Variants in NIPBL observed in about 807,000 individuals in gnomAD.
The protein encoded by NIPBL is nipped-B-like protein.
NIPBL carries 19 observed loss-of-function variants against 321.8 expected under a neutral mutation model. That is an observed-to-expected ratio of 0.06 (90% CI 0.04 to 0.09). The LOEUF is 0.09. Ranked by LOEUF, NIPBL falls within the 10% of genes least tolerant of loss-of-function variation. NIPBL has a pLI of 1.00. For synonymous variants in NIPBL, 1,106 were observed against 1,114.1 expected (o/e 0.99, Z 0.14); for missense variants, 2,210 against 3,327.0 (o/e 0.66, Z 8.26).
At chr5:36,924,564 ATAGGTG>A in intron 1 of NIPBL, among the ~76,000 whole-genome samples, 1 of 152,196 alleles carries the variant, frequency 6.6e-6, no homozygotes, top group Non-Finnish European at 1.5e-5. Context: ...TGTCTTGTGT[ATAGGTG>A]TATCCACAAT....
At chr5:36,905,983 A>G (rs1310775195) in intron 1 of NIPBL, among the ~76,000 whole-genome samples, 1 of 152,082 alleles carries the variant, frequency 6.6e-6, no homozygotes. Flanking sequence ...TGACCTCGTG[A>G]TCCGCCCACC....
At chr5:36,969,151 G>T (rs932528817) in intron 6 of NIPBL, among the ~76,000 whole-genome samples, 2 of 152,096 alleles carry the variant, frequency 1.3e-5, no homozygotes, top group Admixed American at 6.6e-5. Flanking sequence ...TTTTGAAAGA[G>T]ATAGAAGAAA....
chr5:36,892,197 T>C (rs1247921884), intron 1 of NIPBL, among the ~76,000 whole-genome samples: 1 of 152,190 alleles, frequency 6.6e-6, no homozygotes, highest in African/African-American at 2.4e-5. Context: ...AAAATGCTCA[T>C]CACTGGCCAT....
intron 1 of NIPBL, among the ~76,000 whole-genome samples, chr5:36,938,260 C>T (rs367567235): frequency 1.6e-4 from 25 of 152,034 alleles, no homozygotes; most frequent in African/African-American, 4.1e-4. Flanking sequence ...TAGGCCAGTA[C>T]GTATTGAAGT....
chr5:36,902,611 T>C (rs1747317891), intron 1 of NIPBL, among the ~76,000 whole-genome samples: 2 of 152,176 alleles, frequency 1.3e-5, no homozygotes, highest in Admixed American at 1.3e-4. Context: ...TGTATCTGTT[T>C]TTGTACCAGT....
At chr5:36,965,219 C>T (rs953230352) in intron 6 of NIPBL, among the ~76,000 whole-genome samples, 2 of 152,008 alleles carry the variant, frequency 1.3e-5, no homozygotes, top group African/African-American at 4.8e-5. Flanking sequence ...TGAAGAGATG[C>T]ACGCCCATGT....
intron 12 of NIPBL, 83 bp from the exon 13 acceptor site, chr5:37,000,734 T>C: frequency 7.3e-7 from 1 of 1,367,822 alleles, no homozygotes; most frequent in Non-Finnish European, 1.0e-6. Context: ...GTCTTTAACG[T>C]TCAGGAAAAA....
chr5:36,918,116 G>A (rs1338799005), intron 1 of NIPBL, among the ~76,000 whole-genome samples: 2 of 152,146 alleles, frequency 1.3e-5, no homozygotes, highest in Non-Finnish European at 2.9e-5. Flanking sequence ...ACCTTGGGCA[G>A]TATGGCCATT....
At chr5:36,984,201 A>G (rs1047542008) in intron 9 of NIPBL, among the ~76,000 whole-genome samples, 2 of 152,014 alleles carry the variant, frequency 1.3e-5, no homozygotes, top group African/African-American at 4.8e-5. Context: ...TCTTAGATAC[A>G]GTAAAAACTT....
intron 32 of NIPBL, among the ~76,000 whole-genome samples, chr5:37,033,195 G>A (rs1346322713): frequency 1.3e-5 from 2 of 151,888 alleles, no homozygotes; most frequent in African/African-American, 2.4e-5. Context: ...TGAAAATAAT[G>A]CAAAATGGGA....
intron 1 of NIPBL, among the ~76,000 whole-genome samples, chr5:36,942,038 A>T (rs763338064): frequency 6.6e-6 from 1 of 152,140 alleles, no homozygotes; most frequent in Non-Finnish European, 1.5e-5. Context: ...TTCTCCATTG[A>T]TAGCTTCTTT....
At chr5:37,011,310 C>T (rs995379693) in intron 21 of NIPBL, among the ~76,000 whole-genome samples, 3 of 152,132 alleles carry the variant, frequency 2.0e-5, no homozygotes, top group Non-Finnish European at 4.4e-5. Flanking sequence ...AATCCCAGCA[C>T]TTTGCGAGGT....
At chr5:37,028,041 A>G (rs563998759) in intron 32 of NIPBL, among the ~76,000 whole-genome samples, 1 of 152,238 alleles carries the variant, frequency 6.6e-6, no homozygotes, top group East Asian at 1.9e-4. Flanking sequence ...TTATAAATGG[A>G]TCAATATATT....
At chr5:37,006,336 A>G (rs755594897) in intron 16 of NIPBL, 21 bp from the exon 17 acceptor site, 2 of 1,281,376 alleles carry the variant, frequency 1.6e-6, no homozygotes, top group Admixed American at 1.7e-5. Context: ...TTTCCATTTC[A>G]TTAACAATAC....
At chr5:36,947,340 C>G (rs1423497433) in intron 1 of NIPBL, among the ~76,000 whole-genome samples, 4 of 151,984 alleles carry the variant, frequency 2.6e-5, no homozygotes, top group Non-Finnish European at 5.9e-5. Flanking sequence ...AAAATCACAC[C>G]ATGGTTACAT....
At chr5:37,010,759 G>C (rs886881193) in intron 21 of NIPBL, among the ~76,000 whole-genome samples, 7 of 152,144 alleles carry the variant, frequency 4.6e-5, no homozygotes, top group African/African-American at 1.4e-4. Flanking sequence ...TTATTCTTCA[G>C]CTGTAAAATG....
intron 21 of NIPBL, among the ~76,000 whole-genome samples, chr5:37,012,646 G>C (rs1231058259): frequency 6.6e-6 from 1 of 151,896 alleles, no homozygotes; most frequent in Non-Finnish European, 1.5e-5. Flanking sequence ...CTGGGTACTT[G>C]AGATTAGGGA....
intron 14 of NIPBL, 111 bp downstream of exon 14, chr5:37,001,189 T>G (rs905822985): frequency 1.2e-5 from 9 of 745,976 alleles, no homozygotes; most frequent in Admixed American, 4.1e-5. Flanking sequence ...ATATACTGGT[T>G]GTTGTTGTGA....
At chr5:37,007,913 TC>T (rs1337788735) in intron 18 of NIPBL, 94 bp from the exon 19 acceptor site, 1 of 793,716 alleles carries the variant, frequency 1.3e-6, no homozygotes, top group Non-Finnish European at 2.2e-6. Context: ...CTTAGTGTTT[TC>T]CAGTAAGCTT....
Sources: allele counts gnomAD v4.1 joint callset (sites outside exome capture counted in the v4.1 genomes callset), GRCh38; gene constraint gnomAD v4.1.1; transcripts MANE v1.5; gene names NCBI Gene and HGNC (gene_info 2026-07-23, HGNC 2026-07-21).